Variants in TAB1 observed in about 807,000 individuals in gnomAD.
The protein encoded by TAB1 is TGF-beta activated kinase 1 (MAP3K7) binding protein 1.
TAB1 carries 30 observed loss-of-function variants against 54.5 expected under a neutral mutation model. The ratio of observed to expected loss-of-function variants is 0.55; its 90% CI spans 0.41 to 0.75. The LOEUF is 0.75. Among genes scored for constraint, TAB1 ranks in the 30% least tolerant of loss-of-function variants. TAB1 has a pLI of 0.00. For synonymous variants in TAB1, 289 were observed against 286.9 expected, an observed-to-expected ratio of 1.01 and a Z score of -0.07; for missense variants, 609 against 683.2, an observed-to-expected ratio of 0.89 and a Z score of 1.21.
chr22:39,399,889 C>T (rs759662261), intron 1 of TAB1, 54 bp downstream of exon 1: 114 of 1,553,376 alleles, frequency 7.3e-5, no homozygotes, highest in Non-Finnish European at 9.5e-5. Flanking sequence ...GGCGGGGGTG[C>T]TGTCGGGTGC....
rs769797447 is a variant in TAB1, at chr22:39,419,607, C to G, written c.753C>G (p.Gly251=). The change falls in exon 7 of 11, where the codon GGC becomes GGG. Residue 251 remains glycine (G), a synonymous_variant. Coordinates refer to ENST00000216160, the MANE Select transcript of TAB1 (RefSeq NM_006116.3). ...TCGGGGATTACAAGGTTAAATATGG[C>G]TACACGGACATTGACCTTCTCAGGT... ...RRIGDYKVKY[G]YTDIDLLSAA... is the part of the protein sequence containing the mutation. 49 of 1,611,434 alleles carry G rather than the reference C, an allele frequency of 3.0e-5. No individual in the cohort carries two copies. In the East Asian group the frequency reaches 8.5e-4, roughly 28 times the overall value.
intron 9 of TAB1, among the ~76,000 whole-genome samples, chr22:39,427,421 GC>G (rs1375162820): frequency 3.9e-5 from 6 of 152,242 alleles, no homozygotes; most frequent in African/African-American, 1.4e-4. Context: ...CTGGAGCAGG[GC>G]AGGGAGAAGG....
chr22:39,404,926 T>C (rs1313160488), intron 1 of TAB1, among the ~76,000 whole-genome samples: 1 of 151,712 alleles, frequency 6.6e-6, no homozygotes, highest in Non-Finnish European at 1.5e-5. Context: ...AGGTTGGAGG[T>C]GGTGGGGGCA....
intron 1 of TAB1, among the ~76,000 whole-genome samples, chr22:39,400,127 G>A (rs990852488): frequency 8.5e-5 from 13 of 152,324 alleles, no homozygotes; most frequent in African/African-American, 3.1e-4. Flanking sequence ...CGGCAGCAGA[G>A]CTATCCGAGT....
chr22:39,410,781 A>G (rs1247472137), intron 1 of TAB1, among the ~76,000 whole-genome samples: 1 of 152,186 alleles, frequency 6.6e-6, no homozygotes, highest in Non-Finnish European at 1.5e-5. Context: ...CTTTCCCCAA[A>G]TTGATCTGTA....
At chr22:39,433,431 C>T (rs910596217), downstream of TAB1, 51 of 973,280 alleles carry the variant, frequency 5.2e-5, no homozygotes, top group South Asian at 1.4e-4. Flanking sequence ...AGAGCCTGGG[C>T]GACAGAGCGA....
In TAB1 at chr22:39,415,541, A is replaced by T; in HGVS notation, c.212A>T (p.Tyr71Phe). Residue 71 changes from tyrosine (Y) to phenylalanine (F), a missense_variant, in exon 3 of 11, where the codon TAT becomes TTT. Coordinates refer to ENST00000216160, the MANE Select transcript of TAB1 (RefSeq NM_006116.3). The surrounding 1 kb of genome is among the most constrained non-coding windows in gnomAD (Gnocchi z 4.9). ...TTCCTGTATGGGGTCTTCAACGGCT[A>T]TGATGGCAACCGAGTGACCAACTTC... is the stretch of plus-strand genomic sequence containing the variant. The part of the protein sequence containing the change: ...NCFLYGVFNG[Y>F]DGNRVTNFVA... The T allele has an allele frequency of 6.2e-7, 1 of 1,614,226 alleles. No homozygotes were observed. The highest frequency in any genetic ancestry group is 1.1e-5 in the South Asian group (1 of 91,090).
intron 5 of TAB1, among the ~76,000 whole-genome samples, 166 bp from the exon 6 acceptor site, chr22:39,418,566 C>G (rs1926936296): frequency 6.6e-6 from 1 of 152,206 alleles, no homozygotes; most frequent in Admixed American, 6.5e-5. Flanking sequence ...TCTTTCGTAT[C>G]ACCAGCTGTC....
chr22:39,423,709 G>T (rs1262481122), intron 8 of TAB1, among the ~76,000 whole-genome samples: 2 of 151,784 alleles, frequency 1.3e-5, no homozygotes, highest in Non-Finnish European at 2.9e-5. Context: ...TTATAGGGAT[G>T]AATTATGTAG....
intron 9 of TAB1, 135 bp from the exon 10 acceptor site, chr22:39,427,885 TG>T (rs1293267222): frequency 3.5e-5 from 29 of 819,510 alleles, no homozygotes; most frequent in Non-Finnish European, 4.9e-5. Flanking sequence ...CCACTGGGCT[TG>T]GGGAGCCAGG....
rs778045930 is a variant in TAB1, at chr22:39,426,916, C to A, written c.1135C>A (p.Pro379Thr). 2 of 1,611,400 alleles carry A rather than the reference C, an allele frequency of 1.2e-6. No homozygotes were observed. Among genetic ancestry groups the A allele is most frequent in the Admixed American group, 1.7e-5 (1 of 60,024 alleles). ...LGEMSQPTPSPAPAAGGRVYP... is the reference protein window; with the variant it reads ...LGEMSQPTPSTAPAAGGRVYP... ...CGAAATGAGCCAGCCCACACCGAGC[C>A]CAGCCCCAGGTACGTGTGCTGTGCA... The change falls in exon 9 of 11, where the codon CCA becomes ACA. Residue 379 changes from proline (P) to threonine (T), a missense_variant. Transcript: ENST00000216160.
In TAB1 at chr22:39,421,925, T is replaced by A; in HGVS notation, c.875T>A (p.Leu292Ter). The A allele has an allele frequency of 6.2e-7, 1 of 1,609,736 alleles. No homozygotes were observed. Among genetic ancestry groups the A allele is most frequent in the Non-Finnish European group, 8.5e-7 (1 of 1,178,058 alleles). ...TGFLVLMSEG[L>*]YKALEAAHGP... ...TTCTTGGTGCTGATGTCGGAGGGGTTGTACAAGGCCCTAGAGGCAGCCCAT... is the reference window on the plus strand; with the variant it reads ...TTCTTGGTGCTGATGTCGGAGGGGTAGTACAAGGCCCTAGAGGCAGCCCAT... The change falls in exon 8 of 11, where the codon TTG becomes TAG. Residue 292 changes from leucine to a stop codon, truncating the protein, a stop_gained. Transcript: ENST00000216160. LOFTEE classifies it high-confidence loss of function.
At position 39,430,174 on chromosome 22, in the gene TAB1, C is replaced by T. The variant is rs772804625; in HGVS notation, c.1467C>T (p.Arg489=). 3 of 1,613,826 alleles carry T rather than the reference C, an allele frequency of 1.9e-6. No homozygotes were observed. The highest frequency in any genetic ancestry group is 2.5e-6 in the Non-Finnish European group (3 of 1,180,040). ...EPYVDFAEFY[R]LWSVDHGEQS... ...ATGTGGACTTTGCTGAGTTTTACCG[C>T]CTCTGGAGCGTGGACCATGGCGAGC... The change falls in exon 11 of 11, where the codon CGC becomes CGT. Residue 489 remains arginine (R), a synonymous_variant. Transcript: ENST00000216160.
intron 9 of TAB1, 149 bp from the exon 10 acceptor site, chr22:39,427,872 G>T (rs1245185058): frequency 1.5e-6 from 1 of 685,672 alleles, no homozygotes; most frequent in Admixed American, 3.0e-5. Flanking sequence ...GGGGCAGGGG[G>T]CCCCACTGGG....
intron 1 of TAB1, among the ~76,000 whole-genome samples, chr22:39,400,353 A>G (rs1298727510): frequency 6.6e-6 from 1 of 152,204 alleles, no homozygotes; most frequent in Admixed American, 6.5e-5. Context: ...AATGGTACGT[A>G]TTGAGGCAGG....
At chr22:39,433,861 A>T, downstream of TAB1, 1 of 979,342 alleles carries the variant, frequency 1.0e-6, no homozygotes, top group Non-Finnish European at 1.2e-6. Flanking sequence ...CTCTGGAAAG[A>T]GCCCTTCCCT....
downstream of TAB1, chr22:39,436,539 C>T (rs893750158): frequency 2.5e-6 from 4 of 1,614,042 alleles, no homozygotes; most frequent in African/African-American, 5.3e-5. Flanking sequence ...TCAGTGCCAA[C>T]TAAACCTCCT....
chr22:39,399,857 T>C (rs748049481), intron 1 of TAB1, 22 bp downstream of exon 1: 36 of 1,589,038 alleles, frequency 2.3e-5, no homozygotes, highest in Non-Finnish European at 3.0e-5. Flanking sequence ...GCCCGCTCTC[T>C]GGGCTTGGGG....
downstream of TAB1, chr22:39,436,484 T>C: frequency 6.2e-7 from 1 of 1,612,646 alleles, no homozygotes; most frequent in East Asian, 2.2e-5. Context: ...TCCTCCTGAT[T>C]TTCAGAGACC....
Sources: gnomAD v4.1 joint callset for allele counts (sites outside exome capture counted in the v4.1 genomes callset) on GRCh38, gnomAD v4.1.1 for gene constraint, Gnocchi (gnomAD v3.1) non-coding constraint, MANE v1.5 for transcripts, NCBI Gene and HGNC (gene_info 2026-07-23, HGNC 2026-07-21) for gene names.